KCNQ3: variants seen among roughly 807,000 people sequenced by gnomAD.
The protein encoded by KCNQ3 is potassium voltage-gated channel subfamily Q member 3, also known as potassium voltage-gated channel subfamily KQT member 3.
In KCNQ3, 30 loss-of-function variants were observed where a neutral mutation model predicts 92.5. The ratio of observed to expected loss-of-function variants is 0.32; its 90% CI spans 0.24 to 0.44. The LOEUF is 0.44. Ranked by LOEUF, KCNQ3 falls within the 20% of genes least tolerant of loss-of-function variation. KCNQ3 has a pLI of 1.00. For synonymous variants in KCNQ3, 450 were observed against 468.8 expected, an observed-to-expected ratio of 0.96 and a Z score of 0.52; for missense variants, 913 against 1,140.3, an observed-to-expected ratio of 0.80 and a Z score of 2.87.
chr8:132,411,132 T>C lies in KCNQ3; in HGVS notation c.386+69015A>G, dbSNP rs550647413. Among the ~76,000 whole-genome samples, 9 of 152,336 alleles carry C rather than the reference T, an allele frequency of 5.9e-5. No homozygotes were observed. In the East Asian group the frequency reaches 1.5e-3, roughly 26 times the overall value. The stretch of plus-strand genomic sequence containing the variant: ...TGAAAACCCATTGTGAGAACCAAAC[T>C]GTAAACATGCATAAAGGTTCCACCT... On this transcript the variant is annotated intron_variant, in intron 1 of 14. Transcript: ENST00000388996.
At chr8:132,404,399 A>G (rs1820425831) in intron 1 of KCNQ3, among the ~76,000 whole-genome samples, 1 of 152,236 alleles carries the variant, frequency 6.6e-6, no homozygotes, top group South Asian at 2.1e-4. Flanking sequence ...GCTAATTTAT[A>G]GAGGTGATTA....
At position 132,379,248 on chromosome 8, in the gene KCNQ3, T is replaced by A. The variant is rs553408225; in HGVS notation, c.386+100899A>T. On this transcript the variant is annotated intron_variant, in intron 1 of 14. Transcript: ENST00000388996. ...CAAGTACTTTATCAGGCACATTACATGGATTGTCTCATTTTTAATCCTTGT... is the reference window on the plus strand; with the variant it reads ...CAAGTACTTTATCAGGCACATTACAAGGATTGTCTCATTTTTAATCCTTGT... 1.3e-4 allele frequency among the ~76,000 whole-genome samples: 20 copies of A among 152,352 alleles called. No homozygotes were observed. In the South Asian group the frequency reaches 3.5e-3, roughly 27 times the overall value.
intron 1 of KCNQ3, among the ~76,000 whole-genome samples, chr8:132,400,526 A>G (rs1820305994): frequency 6.6e-6 from 1 of 152,240 alleles, no homozygotes; most frequent in Non-Finnish European, 1.5e-5. Context: ...GCCAGCTCCT[A>G]GGCCCTGGTG....
At chr8:132,259,092 A>G (rs1290797311) in intron 1 of KCNQ3, among the ~76,000 whole-genome samples, 1 of 152,100 alleles carries the variant, frequency 6.6e-6, no homozygotes, top group Non-Finnish European at 1.5e-5. Context: ...AGAAGAATCA[A>G]TACTAATACT....
At chr8:132,154,681 T>A (rs143663850) in intron 9 of KCNQ3, among the ~76,000 whole-genome samples, 1 of 152,162 alleles carries the variant, frequency 6.6e-6, no homozygotes, top group Non-Finnish European at 1.5e-5. Flanking sequence ...GAGCCTGGCC[T>A]CTCCTGTTCC....
At chr8:132,354,996 G>A (rs761920292) in intron 1 of KCNQ3, among the ~76,000 whole-genome samples, 1 of 152,150 alleles carries the variant, frequency 6.6e-6, no homozygotes, top group Non-Finnish European at 1.5e-5. Context: ...TATAGCCCCA[G>A]AAAGCAGTCA....
chr8:132,443,294 A>G (rs534472361), intron 1 of KCNQ3, among the ~76,000 whole-genome samples: 1 of 151,646 alleles, frequency 6.6e-6, no homozygotes, highest in African/African-American at 2.4e-5. Flanking sequence ...GTGGCCCAGG[A>G]GTATTCGCTC....
chr8:132,406,734 T>C (rs1820493928), intron 1 of KCNQ3, among the ~76,000 whole-genome samples: 1 of 152,172 alleles, frequency 6.6e-6, no homozygotes, highest in Non-Finnish European at 1.5e-5. Context: ...AGTCAGGGGA[T>C]GTGGTATGGA....
intron 1 of KCNQ3, among the ~76,000 whole-genome samples, chr8:132,326,403 G>A (rs1317332545): frequency 6.6e-6 from 1 of 152,102 alleles, no homozygotes; most frequent in African/African-American, 2.4e-5. Flanking sequence ...TGTGTGTTAG[G>A]CACAGTGCAA....
intron 1 of KCNQ3, among the ~76,000 whole-genome samples, chr8:132,235,273 G>C (rs900944381): frequency 2.6e-5 from 4 of 152,168 alleles, no homozygotes; most frequent in Admixed American, 2.6e-4. Context: ...CCAAGGGTGG[G>C]GGGGGAATCA....
At chr8:132,478,660 TCATA>T (rs1440113552) in intron 1 of KCNQ3, among the ~76,000 whole-genome samples, 2 of 151,120 alleles carry the variant, frequency 1.3e-5, no homozygotes, top group Non-Finnish European at 3.0e-5. Flanking sequence ...ACACGCACAC[TCATA>T]CAGACACCAA....
chr8:132,243,804 T>C (rs1393936888), intron 1 of KCNQ3, among the ~76,000 whole-genome samples: 1 of 152,242 alleles, frequency 6.6e-6, no homozygotes, highest in Admixed American at 6.5e-5. Flanking sequence ...CTTTCACTGA[T>C]GGACATGAGG....
chr8:132,352,390 T>G (rs1349863621), intron 1 of KCNQ3, among the ~76,000 whole-genome samples: 3 of 152,004 alleles, frequency 2.0e-5, no homozygotes, highest in African/African-American at 7.2e-5. Context: ...CATTCTACAA[T>G]GCACAGGAAC....
chr8:132,142,734 C>A (rs776572332), intron 9 of KCNQ3, among the ~76,000 whole-genome samples: 1 of 152,092 alleles, frequency 6.6e-6, no homozygotes, highest in Non-Finnish European at 1.5e-5. Context: ...CATGGGTTTG[C>A]GATAATTTTG....
At chr8:132,421,232 A>C (rs1437859051) in intron 1 of KCNQ3, among the ~76,000 whole-genome samples, 1 of 152,232 alleles carries the variant, frequency 6.6e-6, no homozygotes, top group East Asian at 1.9e-4. Context: ...TTGATGACTA[A>C]ATATATTCAT....
At chr8:132,287,177 G>C (rs1411881797) in intron 1 of KCNQ3, among the ~76,000 whole-genome samples, 1 of 152,192 alleles carries the variant, frequency 6.6e-6, no homozygotes, top group African/African-American at 2.4e-5. Context: ...CCATGTTATT[G>C]AGATTTTATA....
At chr8:132,337,896 T>G (rs780954143) in intron 1 of KCNQ3, among the ~76,000 whole-genome samples, 3 of 152,302 alleles carry the variant, frequency 2.0e-5, no homozygotes, top group Non-Finnish European at 2.9e-5. Flanking sequence ...TGCAAACCAC[T>G]TGCCAAGAGA....
chr8:132,382,147 T>C (rs960362247), intron 1 of KCNQ3, among the ~76,000 whole-genome samples: 2 of 152,224 alleles, frequency 1.3e-5, no homozygotes, highest in African/African-American at 4.8e-5. Flanking sequence ...AACACCTTTA[T>C]TGAAAAATAA....
At chr8:132,166,813 G>A (rs1049855418) in intron 8 of KCNQ3, among the ~76,000 whole-genome samples, 3 of 152,130 alleles carry the variant, frequency 2.0e-5, no homozygotes, top group East Asian at 3.9e-4. Context: ...GATGGGCTAC[G>A]CAACTTCATC....
Sources: gnomAD v4.1 joint callset for allele counts (sites outside exome capture counted in the v4.1 genomes callset) on GRCh38, gnomAD v4.1.1 for gene constraint, MANE v1.5 for transcripts, NCBI Gene and HGNC (gene_info 2026-07-23, HGNC 2026-07-21) for gene names.